The following TGM4 variants were observed in gnomAD, a reference collection of about 807,000 sequenced individuals.
The protein encoded by TGM4 is transglutaminase 4.
In TGM4, 61 loss-of-function variants were observed where a neutral mutation model predicts 76.3. That is an observed-to-expected ratio of 0.80 (90% CI 0.65 to 0.99). TGM4 has a LOEUF of 0.99. TGM4 is among the 50% of genes least tolerant of loss of function. TGM4 has a pLI of 0.00. For synonymous variants in TGM4, 337 were observed against 329.8 expected (o/e 1.02, Z -0.24); for missense variants, 794 against 843.2 (o/e 0.94, Z 0.72).
chr3:44,911,029 G>T lies in TGM4; in HGVS notation c.1678G>T (p.Val560Phe). Residue 560 changes from valine (V) to phenylalanine (F), a missense_variant, in exon 12 of 14, where the codon GTT becomes TTT. Transcript: ENST00000296125. ...NSLAILDDEP[V>F]IRGFIIAEIV... ...CCTGGCTATATTAGATGATGAGCCA[G>T]TTATCAGAGGTTTCATCATTGCGGA... The T allele has an allele frequency of 6.2e-7, 1 of 1,614,180 alleles. No individual in the cohort carries two copies. Among genetic ancestry groups the T allele is most frequent in the Middle Eastern group, 1.6e-4 (1 of 6,062 alleles).
In TGM4 at chr3:44,896,743, T is replaced by C. The variant is rs760418065; in HGVS notation, c.584T>C (p.Leu195Pro). 6.2e-7 allele frequency: 1 copy of C among 1,614,184 alleles called. No homozygotes were observed. The highest frequency in any genetic ancestry group is 8.5e-7 in the Non-Finnish European group (1 of 1,180,022). ...AATGTCCTGGACTGCTGCATTTCCC[T>C]GCTGACTGAGAGCTCCCTCAAGCCC... ...EKNVLDCCIS[L>P]LTESSLKPTD... Residue 195 changes from leucine (L) to proline (P), a missense_variant, in exon 6 of 14, where the codon CTG becomes CCG. Coordinates refer to ENST00000296125, the MANE Select transcript of TGM4 (RefSeq NM_003241.4).
rs539912848 is a variant in TGM4, at chr3:44,898,257, G to C, written c.657+1441G>C. Among the ~76,000 whole-genome samples, 80 of 149,438 alleles carry C rather than the reference G, an allele frequency of 5.4e-4. 1 individual carries two copies. Among genetic ancestry groups the C allele is most frequent in the African/African-American group, 1.8e-3 (74 of 40,416 alleles). On this transcript the variant is annotated intron_variant, in intron 6 of 13. Coordinates refer to ENST00000296125, the MANE Select transcript of TGM4 (RefSeq NM_003241.4). ...GATCGCACCACTGTACTCCAGCCTG[G>C]GTGACAGAGCGAGACTCTGTCTCAA...
chr3:44,907,205 T>A lies in TGM4; in HGVS notation c.1327+5T>A. ...ATGAGTACAAGTATCCAGAAGGTGC[T>A]AGCATCACAGGGCTCCTTCTGACTC... is the stretch of plus-strand genomic sequence containing the variant. On this transcript the variant is annotated splice_donor_5th_base_variant and intron_variant, in intron 10 of 13. Coordinates refer to ENST00000296125, the MANE Select transcript of TGM4 (RefSeq NM_003241.4). 6.2e-7 allele frequency: 1 copy of A among 1,611,646 alleles called. No homozygotes were observed. The highest frequency in any genetic ancestry group is 8.5e-7 in the Non-Finnish European group (1 of 1,179,662).
chr3:44,901,259 C>T (rs999263233), intron 6 of TGM4, among the ~76,000 whole-genome samples: 4 of 152,106 alleles, frequency 2.6e-5, no homozygotes, highest in Non-Finnish European at 4.4e-5. Context: ...ACAAAACCAA[C>T]CTAAAGGTAG....
intron 1 of TGM4, among the ~76,000 whole-genome samples, chr3:44,879,806 A>G (rs888937146): frequency 2.0e-5 from 3 of 148,534 alleles, no homozygotes; most frequent in African/African-American, 7.5e-5. Flanking sequence ...TATTTTATTT[A>G]TTATTTTTTG....
In TGM4 at chr3:44,913,976, T is replaced by G; in HGVS notation, c.*251T>G. On this transcript the variant is annotated 3_prime_UTR_variant, in exon 14 of 14. Coordinates refer to ENST00000296125, the MANE Select transcript of TGM4 (RefSeq NM_003241.4). ...AGAATCCCATCCCTTTCCTGAGTCA[T>G]GGCCTCAAAAATCAGGGCCACCATT... The G allele has an allele frequency of 2.5e-6, 1 of 404,668 alleles. No individual in the cohort carries two copies. The highest frequency in any genetic ancestry group is 4.3e-5 in the East Asian group (1 of 23,168). The allele number at this position is 404,668 out of a possible 1,614,324, so 25.1% of individuals were successfully genotyped here. A position where few individuals can be genotyped will look rare whatever the true frequency, so the allele number is the denominator to read the frequency against.
At chr3:44,884,975 A>C (rs75568992) in intron 1 of TGM4, among the ~76,000 whole-genome samples, 2,968 of 152,236 alleles carry the variant, frequency 0.019, 51 homozygotes, top group Middle Eastern at 0.065. Context: ...GGGGTGGGAA[A>C]CTTGCCTAAC....
chr3:44,885,981 A>G (rs1244067875), intron 2 of TGM4, among the ~76,000 whole-genome samples: 1 of 152,198 alleles, frequency 6.6e-6, no homozygotes, highest in Non-Finnish European at 1.5e-5. Context: ...AATGTATTAG[A>G]TTTTGTGACA....
In TGM4 at chr3:44,874,650, C is replaced by T; in HGVS notation, c.-29C>T. The stretch of plus-strand genomic sequence containing the variant: ...ACCAGGCATCAGAGATAGAGTCTTC[C>T]CTGGCATTGCAGGAGAGAATCTGAA... On this transcript the variant is annotated 5_prime_UTR_variant, in exon 1 of 14. Transcript: ENST00000296125. 1 of 1,614,156 alleles carries T rather than the reference C, an allele frequency of 6.2e-7. No homozygotes were observed. The highest frequency in any genetic ancestry group is 1.1e-5 in the South Asian group (1 of 91,074).
intron 2 of TGM4, 32 bp from the exon 3 acceptor site, chr3:44,887,657 C>G (rs761619659): frequency 6.3e-7 from 1 of 1,599,152 alleles, no homozygotes; most frequent in East Asian, 2.2e-5. Flanking sequence ...TGGCCCATGG[C>G]TGGGCCAATG....
At chr3:44,891,542 A>ACACAC (rs750724127) in intron 4 of TGM4, among the ~76,000 whole-genome samples, 6 of 138,654 alleles carry the variant, frequency 4.3e-5, no homozygotes, top group African/African-American at 1.3e-4. Flanking sequence ...CACACACACA[A>ACACAC]GCTTTTTATT....
At chr3:44,885,585 G>A (rs1435317520) in intron 2 of TGM4, 87 bp downstream of exon 2, 54 of 1,440,392 alleles carry the variant, frequency 3.7e-5, no homozygotes, top group East Asian at 2.6e-4. Context: ...TGGTCAGTCT[G>A]AGCCAGGAGT....
intron 1 of TGM4, among the ~76,000 whole-genome samples, chr3:44,882,057 CTTTTTTTTTTTT>C (rs60542332): frequency 2.9e-5 from 3 of 104,620 alleles, no homozygotes; most frequent in Admixed American, 1.2e-4. Flanking sequence ...AATACAAACG[CTTTTTTTTTTTT>C]TTTTTTTTTA....
chr3:44,889,028 A>G (rs1013189553), intron 3 of TGM4: 7 of 151,980 alleles, frequency 4.6e-5, no homozygotes, highest in Admixed American at 3.9e-4. Flanking sequence ...ATGCTCCCAC[A>G]AAGAAGGGGG....
intron 4 of TGM4, among the ~76,000 whole-genome samples, chr3:44,891,568 A>G (rs1699698356): frequency 1.3e-5 from 2 of 152,012 alleles, no homozygotes; most frequent in Non-Finnish European, 2.9e-5. Flanking sequence ...ACCATTTGAG[A>G]GTAAGTTACA....
intron 13 of TGM4, among the ~76,000 whole-genome samples, chr3:44,911,913 C>T (rs1332945757): frequency 6.6e-6 from 1 of 152,208 alleles, no homozygotes; most frequent in African/African-American, 2.4e-5. Context: ...CTGCAATCTC[C>T]ATCCGTCCCC....
chr3:44,879,755 G>A (rs373727314), intron 1 of TGM4, among the ~76,000 whole-genome samples: 104 of 152,116 alleles, frequency 6.8e-4, no homozygotes, highest in South Asian at 2.7e-3. Flanking sequence ...TGGGATTACA[G>A]GCATGAGCCA....
intron 5 of TGM4, among the ~76,000 whole-genome samples, chr3:44,893,954 A>ACCCCCCACG (rs1699740988): frequency 4.7e-4 from 5 of 10,580 alleles, no homozygotes; most frequent in African/African-American, 6.1e-4. Flanking sequence ...CACCCCCCAC[A>ACCCCCCACG]GCTCTCTCCT....
At chr3:44,881,139 G>A (rs1292641548) in intron 1 of TGM4, among the ~76,000 whole-genome samples, 1 of 152,022 alleles carries the variant, frequency 6.6e-6, no homozygotes, top group East Asian at 1.9e-4. Context: ...AGGAGGTTGT[G>A]GCTGCAGTGA....
Sources: allele counts gnomAD v4.1 joint callset (sites outside exome capture counted in the v4.1 genomes callset), GRCh38; gene constraint gnomAD v4.1.1; transcripts MANE v1.5; gene names NCBI Gene and HGNC (gene_info 2026-07-23, HGNC 2026-07-21).